Variants in KIAA1217 observed in about 807,000 individuals in gnomAD.
The protein encoded by KIAA1217 is KIAA1217.
A neutral mutation model predicts 163.9 loss-of-function variants in KIAA1217; 88 were observed. The ratio of observed to expected loss-of-function variants is 0.54; its 90% confidence interval spans 0.45 to 0.64. The LOEUF (loss-of-function observed/expected upper bound fraction) is 0.64. Among genes scored for constraint, KIAA1217 ranks in the 30% least tolerant of loss-of-function variants. The probability of loss-of-function intolerance (pLI) is 0.00; values close to 1 mark genes in which losing one functional copy is unlikely to be tolerated. For missense variants in KIAA1217, 2,372 were observed against 2,475.0 expected (o/e 0.96, Z 0.88); for synonymous variants, 903 against 923.1 (o/e 0.98, Z 0.39).
chr10:24,268,644 A>G lies in KIAA1217; in HGVS notation c.354+48735A>G, dbSNP rs1303878472. 5.8e-5 allele frequency among the ~76,000 whole-genome samples: 5 copies of G among 86,180 alleles called. 2 individuals carry two copies. Among genetic ancestry groups the G allele is most frequent in the African/African-American group, 2.6e-4 (5 of 19,250 alleles). 56.5% of individuals were successfully genotyped at this position (86,180 alleles called of 152,430 possible). On this transcript the variant is annotated intron_variant, in intron 2 of 20. Transcript: ENST00000376454. ...AACTAGTTCAACCATTGTGGAAGTC[A>G]GCGTGGAGATTCCTCAGGGATCTAG... is the stretch of plus-strand genomic sequence containing the variant.
chr10:24,143,828 A>G (rs934065629), intron 2 of KIAA1217, among the ~76,000 whole-genome samples: 3 of 151,486 alleles, frequency 2.0e-5, no homozygotes, highest in African/African-American at 7.3e-5. Context: ...AAAAAAAAAA[A>G]CAAAAACAAA....
At chr10:24,297,029 A>T (rs1005240422) in intron 2 of KIAA1217, among the ~76,000 whole-genome samples, 4 of 152,180 alleles carry the variant, frequency 2.6e-5, no homozygotes, top group African/African-American at 7.2e-5. Context: ...ATACACTGGG[A>T]TTTTCAAAAT....
chr10:23,956,524 A>G (rs1353297004), intron 1 of KIAA1217, among the ~76,000 whole-genome samples: 1 of 152,090 alleles, frequency 6.6e-6, no homozygotes, highest in Non-Finnish European at 1.5e-5. Flanking sequence ...ACCCCCTTCT[A>G]ATCAGTTACC....
At chr10:23,929,106 C>T (rs1238742061) in intron 1 of KIAA1217, among the ~76,000 whole-genome samples, 1 of 152,008 alleles carries the variant, frequency 6.6e-6, no homozygotes, top group East Asian at 1.9e-4. Flanking sequence ...TCAGGTAGGG[C>T]CTTGTAAGCC....
At chr10:24,201,132 G>T (rs1036238305) in intron 2 of KIAA1217, among the ~76,000 whole-genome samples, 4 of 151,996 alleles carry the variant, frequency 2.6e-5, no homozygotes, top group Admixed American at 2.6e-4. Context: ...TTAGCCAGAC[G>T]TGGCGGCACG....
intron 1 of KIAA1217, among the ~76,000 whole-genome samples, chr10:23,724,647 A>G (rs1838037982): frequency 6.6e-6 from 1 of 152,210 alleles, no homozygotes; most frequent in Admixed American, 6.5e-5. Context: ...CCCTAAAGGC[A>G]AAAGAGAATG....
intron 1 of KIAA1217, among the ~76,000 whole-genome samples, chr10:23,993,029 CTT>C (rs1188657000): frequency 1.3e-4 from 16 of 118,618 alleles, no homozygotes; most frequent in Non-Finnish European, 1.9e-4. Context: ...TGATAGCTTC[CTT>C]TTTTTTTTTT....
intron 2 of KIAA1217, among the ~76,000 whole-genome samples, chr10:24,015,555 A>G (rs1396099941): frequency 6.6e-6 from 1 of 151,988 alleles, no homozygotes; most frequent in Non-Finnish European, 1.5e-5. Flanking sequence ...CAAGAGTTCA[A>G]GACCAGCCTG....
At chr10:23,819,863 G>A (rs1588885796) in intron 1 of KIAA1217, among the ~76,000 whole-genome samples, 3 of 152,038 alleles carry the variant, frequency 2.0e-5, no homozygotes, top group Non-Finnish European at 4.4e-5. Context: ...TTTTTTTAGC[G>A]CTATGCTCTT....
chr10:24,413,293 C>T (rs1265092405), intron 3 of KIAA1217, among the ~76,000 whole-genome samples: 1 of 152,152 alleles, frequency 6.6e-6, no homozygotes, highest in East Asian at 1.9e-4. Flanking sequence ...TTAAGTGATT[C>T]TCCTGTCTCA....
rs1285415158 is a variant in KIAA1217, at chr10:24,088,274, T to TATATATATATATATATATATATAC, written c.-171+80901_-171+80902insTATATATATATATATATATATACA. 1.4e-3 allele frequency among the ~76,000 whole-genome samples: 149 copies of TATATATATATATATATATATATAC among 107,200 alleles called. 1 individual carries two copies. The highest frequency in any genetic ancestry group is 4.5e-3 in the African/African-American group (144 of 32,282). 70.3% of individuals were successfully genotyped at this position (107,200 alleles called of 152,430 possible). On this transcript the variant is annotated intron_variant, in intron 2 of 18. Coordinates refer to the KIAA1217 transcript ENST00000376462. ...TAATATACATATATATATATATATA[T>TATATATATATATATATATATATAC]ACACACATATATGTGTATATATATA...
At chr10:24,006,482 T>C (rs1847002746) in intron 1 of KIAA1217, among the ~76,000 whole-genome samples, 1 of 152,136 alleles carries the variant, frequency 6.6e-6, no homozygotes, top group African/African-American at 2.4e-5. Context: ...ATCAAGTAAA[T>C]CACTATAGTT....
chr10:23,701,791 A>T (rs1437964315), intron 1 of KIAA1217, among the ~76,000 whole-genome samples: 1 of 152,186 alleles, frequency 6.6e-6, no homozygotes, highest in African/African-American at 2.4e-5. Context: ...TTGTGAGCAG[A>T]TATTGCGTGT....
intron 2 of KIAA1217, among the ~76,000 whole-genome samples, chr10:24,155,812 A>T (rs1269820786): frequency 6.6e-6 from 1 of 151,226 alleles, no homozygotes; most frequent in Non-Finnish European, 1.5e-5. Flanking sequence ...ACACAGTGAG[A>T]CTCTGACTTG....
intron 1 of KIAA1217, among the ~76,000 whole-genome samples, chr10:23,900,178 G>C (rs1016441766): frequency 3.3e-5 from 5 of 151,760 alleles, no homozygotes; most frequent in Non-Finnish European, 2.9e-5. Context: ...GTTAATTTTT[G>C]TATTTTTAGT....
At position 24,503,549 on chromosome 10, in the gene KIAA1217, G is replaced by A. The variant is rs138039895; in HGVS notation, c.2001+2004G>A. On this transcript the variant is annotated intron_variant, in intron 9 of 20. Coordinates refer to ENST00000376454, the MANE Select transcript of KIAA1217 (RefSeq NM_019590.5). ...ACCACAGTAAATTGGCCCCTTTAAA[G>A]GATAGTAGCCACTCAGTTCCAACTG... 1.7e-3 allele frequency among the ~76,000 whole-genome samples: 255 copies of A among 152,300 alleles called. 5 individuals are homozygous for A. The East Asian group carries it at 0.038, about 23-fold the overall frequency.
chr10:24,528,888 GA>G (rs2134938306), intron 14 of KIAA1217, among the ~76,000 whole-genome samples: 1 of 152,030 alleles, frequency 6.6e-6, no homozygotes, highest in Admixed American at 6.6e-5. Context: ...AAAATTATTA[GA>G]ATATGTATTT....
chr10:24,435,202 T>C (rs945195884), intron 4 of KIAA1217, among the ~76,000 whole-genome samples: 1 of 152,264 alleles, frequency 6.6e-6, no homozygotes, highest in Non-Finnish European at 1.5e-5. Flanking sequence ...AAGGTATAGA[T>C]ACTACATCTG....
intron 1 of KIAA1217, among the ~76,000 whole-genome samples, chr10:23,806,856 G>T (rs1564438144): frequency 1.3e-5 from 2 of 152,148 alleles, no homozygotes; most frequent in Non-Finnish European, 2.9e-5. Context: ...CAGTTTCTTT[G>T]GTTCCTAAGG....
Sources: allele counts gnomAD v4.1 joint callset (sites outside exome capture counted in the v4.1 genomes callset), GRCh38; gene constraint gnomAD v4.1.1; transcripts MANE v1.5; gene names NCBI Gene and HGNC (gene_info 2026-07-23, HGNC 2026-07-21).